Variants in CLUL1 observed in about 807,000 individuals in gnomAD.
CLUL1 encodes clusterin-like protein 1.
CLUL1 carries 43 observed loss-of-function variants against 49.4 expected under a neutral mutation model. That is an observed-to-expected ratio of 0.87 (90% CI 0.68 to 1.12). The LOEUF is 1.12. Among genes scored for constraint, CLUL1 ranks in the 50% most tolerant of loss-of-function variants. CLUL1 has a pLI of 0.00. For missense variants in CLUL1, 486 were observed against 544.4 expected, an observed-to-expected ratio of 0.89 and a Z score of 1.07; for synonymous variants, 192 against 184.9, an observed-to-expected ratio of 1.04 and a Z score of -0.31.
intron 5 of CLUL1, among the ~76,000 whole-genome samples, chr18:626,867 G>T (rs531033659): frequency 0.091 from 21 of 230 alleles, no homozygotes; most frequent in South Asian, 0.25. Flanking sequence ...TCTCAAATAA[G>T]AAAGAAAGAA....
chr18:646,335 CT>C (rs796695810), intron 9 of CLUL1, among the ~76,000 whole-genome samples: 86 of 144,720 alleles, frequency 5.9e-4, no homozygotes, highest in Admixed American at 8.3e-4. Context: ...TTTTGGAGGC[CT>C]TTTTTTTTTT....
chr18:630,351 C>T (rs1261426830), intron 6 of CLUL1, among the ~76,000 whole-genome samples: 2 of 152,178 alleles, frequency 1.3e-5, no homozygotes, highest in East Asian at 1.9e-4. Flanking sequence ...TCAAATGATC[C>T]GCCCACCTCG....
At position 627,331 on chromosome 18, in the gene CLUL1, G is replaced by C. The variant is rs1335968764; in HGVS notation, c.658G>C (p.Asp220His). The change falls in exon 6 of 10, where the codon GAT (aspartate) becomes CAT (histidine). Residue 220 changes from aspartate to histidine, a missense_variant. Transcript: ENST00000692774. ...DQTFQSHFIS[D>H]TDLTEPYFFP... is the part of the protein sequence containing the mutation. ...GACTTTTCAATCACATTTCATATCA[G>C]ATACAGACCTAACTGAGCCTTACTT... 6.2e-7 allele frequency: 1 copy of C among 1,613,936 alleles called. No homozygotes were observed. Among genetic ancestry groups the C allele is most frequent in the Non-Finnish European group, 8.5e-7 (1 of 1,179,988 alleles).
At chr18:599,378 G>A (rs910780927) in intron 1 of CLUL1, among the ~76,000 whole-genome samples, 1 of 152,148 alleles carries the variant, frequency 6.6e-6, no homozygotes, top group Non-Finnish European at 1.5e-5. Flanking sequence ...ATATCATAAG[G>A]TTGAAAGGAT....
At chr18:626,912 AAAG>A (rs761885675) in intron 5 of CLUL1, among the ~76,000 whole-genome samples, 182 bp from the exon 6 acceptor site, 16,788 of 24,494 alleles carry the variant, frequency 0.69, 4,907 homozygotes, top group Admixed American at 0.73. Context: ...AGAAAGAAAG[AAAG>A]AAAGAAAGAA....
chr18:599,660 C>T (rs866937123), intron 1 of CLUL1, among the ~76,000 whole-genome samples: 5 of 152,034 alleles, frequency 3.3e-5, no homozygotes, highest in Admixed American at 1.3e-4. Context: ...TGGCCAGGTG[C>T]GGTGGTTCAC....
chr18:601,649 A>AAC (rs1277085003), intron 1 of CLUL1, among the ~76,000 whole-genome samples: 2 of 151,462 alleles, frequency 1.3e-5, no homozygotes, highest in Non-Finnish European at 2.9e-5. Context: ...CCATCTCAAA[A>AAC]AAAAAAAAAA....
intron 7 of CLUL1, among the ~76,000 whole-genome samples, chr18:634,504 A>AT (rs1273411891): frequency 2.6e-5 from 4 of 151,950 alleles, no homozygotes; most frequent in South Asian, 2.1e-4. Flanking sequence ...TGTTCTTGTG[A>AT]TTTTTTTTAT....
chr18:636,614 C>T (rs929089167), intron 7 of CLUL1, among the ~76,000 whole-genome samples: 48 of 148,152 alleles, frequency 3.2e-4, no homozygotes, highest in Non-Finnish European at 5.9e-4. Context: ...CGACAACACT[C>T]CCTTTCTCTC....
intron 1 of CLUL1, among the ~76,000 whole-genome samples, 171 bp downstream of exon 1, chr18:597,300 T>C (rs1185583556): frequency 6.6e-6 from 1 of 151,812 alleles, no homozygotes; most frequent in Non-Finnish European, 1.5e-5. Flanking sequence ...AGAAATACTG[T>C]GGGCTGCTTC....
In CLUL1 at chr18:641,383, A is replaced by G. The variant is rs186670457; in HGVS notation, c.1051A>G (p.Asn351Asp). 2.5e-6 allele frequency: 4 copies of G among 1,614,234 alleles called. No individual in the cohort carries two copies. Among genetic ancestry groups the G allele is most frequent in the Non-Finnish European group, 3.4e-6 (4 of 1,180,048 alleles). The change falls in exon 8 of 10, where the codon AAT (asparagine) becomes GAT (aspartate). Residue 351 changes from asparagine (N) to aspartate (D), a missense_variant. Transcript: ENST00000692774. The stretch of plus-strand genomic sequence containing the variant: ...ATTAGACGAGGCGATCAGGTTGGTC[A>G]ATGTATCCAATCAGCAGTATGGCCA... ...TELDEAIRLV[N>D]VSNQQYGQIL...
chr18:607,519 G>C (rs1008126220), intron 2 of CLUL1, among the ~76,000 whole-genome samples: 1 of 152,158 alleles, frequency 6.6e-6, no homozygotes, highest in Non-Finnish European at 1.5e-5. Flanking sequence ...GTGCGGCCCT[G>C]ATCTCCTGGG....
At chr18:632,445 CT>C (rs2074018283) in intron 6 of CLUL1, among the ~76,000 whole-genome samples, 1 of 152,080 alleles carries the variant, frequency 6.6e-6, no homozygotes, top group Non-Finnish European at 1.5e-5. Context: ...TTTCTAATAT[CT>C]TTGAAACTTC....
intron 2 of CLUL1, among the ~76,000 whole-genome samples, chr18:617,333 G>A (rs1282945726): frequency 6.6e-6 from 1 of 152,094 alleles, no homozygotes; most frequent in Non-Finnish European, 1.5e-5. Flanking sequence ...GGTGGCTCAC[G>A]CCTGTAATCC....
intron 1 of CLUL1, among the ~76,000 whole-genome samples, chr18:599,133 A>G (rs2072745746): frequency 6.6e-6 from 1 of 152,256 alleles, no homozygotes; most frequent in African/African-American, 2.4e-5. Flanking sequence ...TAATTCTCAA[A>G]ATAAAATGAA....
chr18:631,252 T>C (rs911824511), intron 6 of CLUL1, among the ~76,000 whole-genome samples: 1 of 152,192 alleles, frequency 6.6e-6, no homozygotes, highest in African/African-American at 2.4e-5. Flanking sequence ...TGGACCTCAG[T>C]TCCTGAATCT....
intron 9 of CLUL1, among the ~76,000 whole-genome samples, chr18:645,423 G>A (rs183921994): frequency 3.6e-4 from 55 of 152,142 alleles, no homozygotes; most frequent in African/African-American, 1.2e-3. Flanking sequence ...TTCCACTTCC[G>A]AAATCAATCC....
In CLUL1 at chr18:649,915, A is replaced by G; in HGVS notation, c.*14A>G. 1 of 1,386,838 alleles carries G rather than the reference A, an allele frequency of 7.2e-7. No homozygotes were observed. Among genetic ancestry groups the G allele is most frequent in the South Asian group, 1.2e-5 (1 of 80,516 alleles). 85.9% of individuals were successfully genotyped at this position (1,386,838 alleles called of 1,614,324 possible). A position where few individuals can be genotyped will look rare whatever the true frequency, so the allele number is the denominator to read the frequency against. Reference sequence around the variant, plus strand: ...TTTTTAAGGTAAGAAGATCTAATGCATCCTATATCCAGTAAGTAGAATTAT... The same window carrying G: ...TTTTTAAGGTAAGAAGATCTAATGCGTCCTATATCCAGTAAGTAGAATTAT... On this transcript the variant is annotated 3_prime_UTR_variant, in exon 10 of 10. Coordinates refer to ENST00000692774, the MANE Select transcript of CLUL1 (RefSeq NM_001393344.1).
Position 649,909 on chromosome 18 carries a change from TA to T in CLUL1, c.*10del. On this transcript the variant is annotated 3_prime_UTR_variant, in exon 10 of 10. Transcript: ENST00000692774. Reference sequence around the variant, plus strand: ...TTTTTTTTTTTAAGGTAAGAAGATCTAATGCATCCTATATCCAGTAAGTAGA... The same window carrying T: ...TTTTTTTTTTTAAGGTAAGAAGATCTATGCATCCTATATCCAGTAAGTAGA... 7.4e-7 allele frequency: 1 copy of T among 1,358,522 alleles called. No homozygotes were observed. The highest frequency in any genetic ancestry group is 1.0e-6 in the Non-Finnish European group (1 of 962,788). The allele number at this position is 1,358,522 out of a possible 1,614,324, so 84.2% of individuals were successfully genotyped here.
Sources: gnomAD v4.1 joint callset for allele counts (sites outside exome capture counted in the v4.1 genomes callset) on GRCh38, gnomAD v4.1.1 for gene constraint, MANE v1.5 for transcripts, NCBI Gene and HGNC (gene_info 2026-07-23, HGNC 2026-07-21) for gene names.